Variants in RBFOX1 observed in about 807,000 individuals in gnomAD.
The protein encoded by RBFOX1 is RNA binding fox-1 homolog 1.
In RBFOX1, 8 loss-of-function variants were observed where a neutral mutation model predicts 57.7. The ratio of observed to expected loss-of-function variants is 0.14; its 90% CI spans 0.08 to 0.25. The LOEUF (loss-of-function observed/expected upper bound fraction) is 0.25, where lower values mean the gene tolerates loss of function less well. RBFOX1 is among the 10% of genes least tolerant of loss of function. The probability of loss-of-function intolerance (pLI) is 1.00; values close to 1 mark genes in which losing one functional copy is unlikely to be tolerated. For synonymous variants in RBFOX1, 326 were observed against 222.4 expected, an observed-to-expected ratio of 1.47 and a Z score of -4.15; for missense variants, 611 against 548.5, an observed-to-expected ratio of 1.11 and a Z score of -1.14.
chr16:7,186,555 TAAG>T (rs2083871199), intron 4 of RBFOX1, among the ~76,000 whole-genome samples: 2 of 60,422 alleles, frequency 3.3e-5, no homozygotes, highest in African/African-American at 5.7e-5. Context: ...TATATAAATA[TAAG>T]CTTAAACATA....
At chr16:6,710,464 GC>G (rs2063524507) in intron 3 of RBFOX1, among the ~76,000 whole-genome samples, 1 of 151,964 alleles carries the variant, frequency 6.6e-6, no homozygotes, top group Non-Finnish European at 1.5e-5. Flanking sequence ...AATTTATTGT[GC>G]GTTTCATGCT....
intron 4 of RBFOX1, among the ~76,000 whole-genome samples, chr16:7,083,467 C>A (rs138267065): frequency 1.3e-5 from 2 of 152,048 alleles, no homozygotes; most frequent in East Asian, 3.9e-4. Context: ...TATAAAAAAA[C>A]AAGAAATGAC....
At chr16:5,627,729 A>C (rs2048386075) in intron 3 of RBFOX1, among the ~76,000 whole-genome samples, 2 of 152,248 alleles carry the variant, frequency 1.3e-5, no homozygotes, top group African/African-American at 2.4e-5. Flanking sequence ...AATAAAAAAT[A>C]CAGTATAACA....
At chr16:5,897,060 G>A (rs1477714425) in intron 4 of RBFOX1, among the ~76,000 whole-genome samples, 4 of 84,634 alleles carry the variant, frequency 4.7e-5, no homozygotes, top group Non-Finnish European at 8.4e-5. Context: ...ACGGAGTCTC[G>A]CTCTGTCGCC....
chr16:6,554,740 A>G (rs1025074222), intron 2 of RBFOX1, among the ~76,000 whole-genome samples: 56 of 151,194 alleles, frequency 3.7e-4, no homozygotes, highest in Middle Eastern at 3.4e-3. Context: ...ACACACACAC[A>G]CACACACACA....
chr16:6,219,760 CA>C lies in RBFOX1; in HGVS notation c.-126-97234del, dbSNP rs2097359799. Among the ~76,000 whole-genome samples the C allele has an allele frequency of 2.0e-5, 3 of 152,194 alleles. No individual in the cohort carries two copies. The South Asian group carries it at 6.2e-4, about 32-fold the overall frequency. On this transcript the variant is annotated intron_variant, in intron 1 of 15. Transcript: ENST00000550418. ...CTGTGGTGTTGGGTGCCAGTAATCCCAGCTACTCAGGAGGCTGAGGCAGGAG... is the reference window on the plus strand; with the variant it reads ...CTGTGGTGTTGGGTGCCAGTAATCCCGCTACTCAGGAGGCTGAGGCAGGAG...
chr16:7,303,844 C>G (rs925986326), intron 4 of RBFOX1, among the ~76,000 whole-genome samples: 1 of 147,896 alleles, frequency 6.8e-6, no homozygotes, highest in Non-Finnish European at 1.5e-5. Flanking sequence ...CCTTCCTCCT[C>G]TCCCTCCCTC....
intron 3 of RBFOX1, among the ~76,000 whole-genome samples, chr16:6,981,804 A>G (rs1184415889): frequency 6.6e-6 from 1 of 152,180 alleles, no homozygotes; most frequent in African/African-American, 2.4e-5. Context: ...CAGAGCTACC[A>G]GTCAAGATGA....
At chr16:7,250,447 C>T (rs141041550) in intron 4 of RBFOX1, among the ~76,000 whole-genome samples, 36 of 152,284 alleles carry the variant, frequency 2.4e-4, no homozygotes, top group African/African-American at 8.4e-4. Flanking sequence ...CCTAAGTGAA[C>T]CACAAGAGTT....
intron 3 of RBFOX1, among the ~76,000 whole-genome samples, chr16:5,746,042 G>C (rs1001394080): frequency 6.6e-6 from 1 of 152,156 alleles, no homozygotes; most frequent in African/African-American, 2.4e-5. Flanking sequence ...GTAATGCCTA[G>C]GTTTTCTTGT....
intron 3 of RBFOX1, among the ~76,000 whole-genome samples, chr16:5,804,435 G>A (rs956150583): frequency 2.0e-5 from 3 of 152,186 alleles, no homozygotes; most frequent in Non-Finnish European, 2.9e-5. Context: ...AAGAAAACAA[G>A]GTATCCTGTT....
chr16:7,432,380 C>G (rs2098689019), intron 4 of RBFOX1, among the ~76,000 whole-genome samples: 1 of 152,160 alleles, frequency 6.6e-6, no homozygotes, highest in African/African-American at 2.4e-5. Context: ...AATTTAGGAT[C>G]CCAATCCCAG....
intron 4 of RBFOX1, among the ~76,000 whole-genome samples, chr16:7,441,717 G>A (rs143994484): frequency 2.6e-4 from 40 of 152,204 alleles, no homozygotes; most frequent in African/African-American, 8.2e-4. Flanking sequence ...AGCAACATCC[G>A]CACACTTCAC....
At chr16:7,631,934 A>T (rs72774999) in intron 11 of RBFOX1, among the ~76,000 whole-genome samples, 3 of 151,962 alleles carry the variant, frequency 2.0e-5, no homozygotes, top group African/African-American at 7.3e-5. Flanking sequence ...TTTTGAGACA[A>T]AGTCTCACTC....
At chr16:7,266,268 C>T (rs575363799) in intron 4 of RBFOX1, among the ~76,000 whole-genome samples, 1 of 152,162 alleles carries the variant, frequency 6.6e-6, no homozygotes, top group African/African-American at 2.4e-5. Flanking sequence ...AGCCACCGTG[C>T]CCGGCCGGTA....
At chr16:6,599,788 G>A (rs2097827316) in intron 2 of RBFOX1, among the ~76,000 whole-genome samples, 1 of 152,138 alleles carries the variant, frequency 6.6e-6, no homozygotes, top group African/African-American at 2.4e-5. Flanking sequence ...GCAACCTTCA[G>A]TTCTGTATTT....
intron 4 of RBFOX1, among the ~76,000 whole-genome samples, chr16:7,063,750 G>T (rs1164249580): frequency 6.6e-6 from 1 of 152,186 alleles, no homozygotes; most frequent in Non-Finnish European, 1.5e-5. Context: ...AACATGTGCA[G>T]ACTTTTTGTC....
At chr16:5,579,870 C>T (rs1406669332) in intron 2 of RBFOX1, among the ~76,000 whole-genome samples, 3 of 152,016 alleles carry the variant, frequency 2.0e-5, no homozygotes, top group Non-Finnish European at 4.4e-5. Flanking sequence ...AGCTATTCTC[C>T]TGCTTCAGCC....
intron 3 of RBFOX1, among the ~76,000 whole-genome samples, chr16:5,747,541 A>G (rs952948588): frequency 6.6e-6 from 1 of 151,898 alleles, no homozygotes; most frequent in Non-Finnish European, 1.5e-5. Flanking sequence ...GTAGGCTATT[A>G]TTGCCCCAAT....
Sources: gnomAD v4.1 joint callset for allele counts (sites outside exome capture counted in the v4.1 genomes callset) on GRCh38, gnomAD v4.1.1 for gene constraint, MANE v1.5 for transcripts, NCBI Gene and HGNC (gene_info 2026-07-23, HGNC 2026-07-21) for gene names.